Variants in EPGN observed in about 807,000 individuals in gnomAD.
EPGN encodes the protein epithelial mitogen.
A neutral mutation model predicts 20.7 loss-of-function variants in EPGN; 21 were observed. The ratio of observed to expected loss-of-function variants is 1.01; its 90% confidence interval spans 0.72 to 1.46. EPGN has a LOEUF of 1.46. Among genes scored for constraint, EPGN ranks in the 40% most tolerant of loss-of-function variants. The probability of loss-of-function intolerance (pLI) is 0.00; values close to 1 mark genes in which losing one functional copy is unlikely to be tolerated. For missense variants in EPGN, 199 were observed against 180.7 expected (o/e 1.10, Z -0.58); for synonymous variants, 69 against 63.8 (o/e 1.08, Z -0.39).
At chr4:74,308,972 T>G in intron 1 of EPGN, 121 bp from the exon 2 acceptor site, 1 of 746,946 alleles carries the variant, frequency 1.3e-6, no homozygotes, top group Non-Finnish European at 2.2e-6. Flanking sequence ...CGTTATGGAT[T>G]TCAACTGTAA....
In EPGN at chr4:74,314,732, C is replaced by A; in HGVS notation, c.*95C>A. On this transcript the variant is annotated 3_prime_UTR_variant, in exon 5 of 5. Transcript: ENST00000413830. ...GAAACAACAAAACTTGTCAAGCTGA[C>A]TAGACTCGAAAATAATGAAAGTTGG... 2 of 1,094,566 alleles carry A rather than the reference C, an allele frequency of 1.8e-6. No individual in the cohort carries two copies. The highest frequency in any genetic ancestry group is 2.6e-6 in the Non-Finnish European group (2 of 762,448). The allele number at this position is 1,094,566 out of a possible 1,614,324, so 67.8% of individuals were successfully genotyped here.
rs773647342 is a variant in EPGN, at chr4:74,308,554, A to G, written c.21A>G (p.Ile7Met). Reference sequence around the variant, plus strand: ...AGGAAATGGCTTTGGGAGTTCCAATATCAGTCTATCTTTTATTCAACGGTA... The same window carrying G: ...AGGAAATGGCTTTGGGAGTTCCAATGTCAGTCTATCTTTTATTCAACGGTA... MALGVP[I>M]SVYLLFNAMT... Residue 7 changes from isoleucine (I) to methionine (M), a missense_variant, in exon 1 of 5, where the codon ATA becomes ATG. Physicochemically the swap from Ile to Met is conservative, Grantham distance 10. Coordinates refer to ENST00000413830, the MANE Select transcript of EPGN (RefSeq NM_001270989.2). 16 of 1,611,218 alleles carry G rather than the reference A, an allele frequency of 9.9e-6. No homozygotes were observed. The highest frequency in any genetic ancestry group is 1.3e-5 in the Non-Finnish European group (15 of 1,178,114).
At chr4:74,310,079 T>A (rs1750802628) in intron 2 of EPGN, among the ~76,000 whole-genome samples, 1 of 152,178 alleles carries the variant, frequency 6.6e-6, no homozygotes, top group Non-Finnish European at 1.5e-5. Flanking sequence ...GAAATCAATG[T>A]GGGTTATAGA....
rs537934705 is a variant in EPGN at position 74,314,974 on chromosome 4, TAATC to T, written c.*340_*343del. ...CAGATGTGAATTTTCATGGGAATAATAATCAACCTTGCAGCAAGCCAAAGCAATG... is the reference window on the plus strand; with the variant it reads ...CAGATGTGAATTTTCATGGGAATAATAACCTTGCAGCAAGCCAAAGCAATG... On this transcript the variant is annotated 3_prime_UTR_variant, in exon 5 of 5. Coordinates refer to ENST00000413830, the MANE Select transcript of EPGN (RefSeq NM_001270989.2). The T allele has an allele frequency of 2.1e-5, 6 of 284,694 alleles. No homozygotes were observed. The highest frequency in any genetic ancestry group is 5.0e-5 in the Admixed American group (1 of 19,922). The allele number at this position is 284,694 out of a possible 1,614,324, so 17.6% of individuals were successfully genotyped here.
chr4:74,315,039 G>A lies in EPGN; in HGVS notation c.*402G>A, dbSNP rs929302845. 3.9e-5 allele frequency: 7 copies of A among 180,798 alleles called. No homozygotes were observed. The highest frequency in any genetic ancestry group is 1.3e-4 in the South Asian group (1 of 7,860). 11.2% of individuals were successfully genotyped at this position (180,798 alleles called of 1,614,324 possible). On this transcript the variant is annotated 3_prime_UTR_variant, in exon 5 of 5. Coordinates refer to ENST00000413830, the MANE Select transcript of EPGN (RefSeq NM_001270989.2). ...GTTCTTCATGTTCTTACTACCCAGC[G>A]TTTTTTACCACCTAGATGGGCCTCT...
At chr4:74,313,757 T>G (rs752807358) in intron 4 of EPGN, among the ~76,000 whole-genome samples, 3 of 152,196 alleles carry the variant, frequency 2.0e-5, no homozygotes, top group Non-Finnish European at 1.5e-5. Flanking sequence ...TAATTTTTCC[T>G]TAAATCCATG....
chr4:74,314,046 G>A (rs1391834684), intron 4 of EPGN: 5 of 453,692 alleles, frequency 1.1e-5, no homozygotes, highest in Non-Finnish European at 2.2e-5. Flanking sequence ...GCTCTCTGAG[G>A]TCAGATTTCC....
intron 2 of EPGN, among the ~76,000 whole-genome samples, chr4:74,309,945 G>A (rs1020676479): frequency 6.6e-6 from 1 of 152,028 alleles, no homozygotes; most frequent in African/African-American, 2.4e-5. Context: ...CTCAGAGTCA[G>A]GCAAATAAAG....
At chr4:74,312,363 G>T in intron 3 of EPGN, 58 bp downstream of exon 3, 1 of 1,551,874 alleles carries the variant, frequency 6.4e-7, no homozygotes, top group East Asian at 2.3e-5. Context: ...TGTCTCTGTT[G>T]TTTCATATAG....
Position 74,312,238 on chromosome 4 carries a change from G to A in EPGN, c.187G>A (p.Asp63Asn). Residue 63 changes from aspartate to asparagine, a missense_variant, in exon 3 of 5, where the codon GAT (aspartate) becomes AAT (asparagine). Physicochemically the swap from Asp to Asn is conservative, Grantham distance 23. Coordinates refer to ENST00000413830, the MANE Select transcript of EPGN (RefSeq NM_001270989.2). The stretch of plus-strand genomic sequence containing the variant: ...GAAGTTCTCACACCTTTGCCTGGAA[G>A]ATCATAACAGTTACTGCATCAACGG... ...ALKFSHLCLE[D>N]HNSYCINGAC... 1 of 1,613,496 alleles carries A rather than the reference G, an allele frequency of 6.2e-7. No individual in the cohort carries two copies. Among genetic ancestry groups the A allele is most frequent in the Non-Finnish European group, 8.5e-7 (1 of 1,179,660 alleles).
chr4:74,309,042 G>A, intron 1 of EPGN, 51 bp from the exon 2 acceptor site: 2 of 1,308,416 alleles, frequency 1.5e-6, no homozygotes, highest in Non-Finnish European at 2.2e-6. Context: ...TCTGTTGCTT[G>A]TACATAGAAG....
At chr4:74,310,566 AT>A (rs575639603) in intron 2 of EPGN, among the ~76,000 whole-genome samples, 176 of 151,556 alleles carry the variant, frequency 1.2e-3, no homozygotes, top group Non-Finnish European at 1.9e-3. Flanking sequence ...TCAGTACTAA[AT>A]TTTTTTTTCT....
rs1206274885 is a variant in EPGN, at chr4:74,308,578, T to C, written c.43+2T>C. The C allele has an allele frequency of 6.2e-7, 1 of 1,608,986 alleles. No individual in the cohort carries two copies. The highest frequency in any genetic ancestry group is 2.2e-5 in the East Asian group (1 of 44,822). On this transcript the variant is annotated splice_donor_variant, in intron 1 of 4. Transcript: ENST00000413830. LOFTEE classifies it high-confidence loss of function. ...TATCAGTCTATCTTTTATTCAACGGTAGGTAATTTCCTTTTGTTTTGTTAA... is the reference window on the plus strand; with the variant it reads ...TATCAGTCTATCTTTTATTCAACGGCAGGTAATTTCCTTTTGTTTTGTTAA...
chr4:74,310,274 C>A (rs1750832253), intron 2 of EPGN, among the ~76,000 whole-genome samples: 2 of 151,726 alleles, frequency 1.3e-5, no homozygotes, highest in South Asian at 4.2e-4. Flanking sequence ...CCAGCCTGGG[C>A]AACATGGTGA....
At chr4:74,312,446 T>G in intron 3 of EPGN, 141 bp downstream of exon 3, 1 of 858,760 alleles carries the variant, frequency 1.2e-6, no homozygotes, top group Non-Finnish European at 1.7e-6. Context: ...GGCCTCTACA[T>G]ATTTGAATAT....
chr4:74,309,415 G>C (rs1464803072), intron 2 of EPGN, among the ~76,000 whole-genome samples: 1 of 152,184 alleles, frequency 6.6e-6, no homozygotes. Flanking sequence ...TTCAGTTACT[G>C]TCTTGAATGT....
In EPGN at chr4:74,315,952, CAA is replaced by C. The variant is rs200784402; in HGVS notation, c.*1331_*1332del. Among the ~76,000 whole-genome samples, 59 of 111,374 alleles carry C rather than the reference CAA, an allele frequency of 5.3e-4. No homozygotes were observed. Among genetic ancestry groups the C allele is most frequent in the African/African-American group, 1.4e-3 (47 of 33,262 alleles). The allele number at this position is 111,374 out of a possible 152,430, so 73.1% of individuals were successfully genotyped here. On this transcript the variant is annotated 3_prime_UTR_variant, in exon 5 of 5. Coordinates refer to ENST00000413830, the MANE Select transcript of EPGN (RefSeq NM_001270989.2). ...GGGTGACAAGAGCGAAACTCCATCT[CAA>C]AAAAAAAAAAAAAAATCAGTATCCT...
At chr4:74,314,188 T>A in intron 4 of EPGN, 1 of 466,606 alleles carries the variant, frequency 2.1e-6, no homozygotes, top group Admixed American at 2.3e-5. Flanking sequence ...TAAGCAAAGA[T>A]GTGGCTTTAA....
At chr4:74,313,563 ATAAAATC>A in intron 4 of EPGN, 1 of 1,049,368 alleles carries the variant, frequency 9.5e-7, no homozygotes, top group African/African-American at 1.7e-5. Flanking sequence ...GTTGAGTGAA[ATAAAATC>A]AAGAAACAAG....
Sources: allele counts gnomAD v4.1 joint callset (sites outside exome capture counted in the v4.1 genomes callset), GRCh38; gene constraint gnomAD v4.1.1; transcripts MANE v1.5; gene names NCBI Gene and HGNC (gene_info 2026-07-23, HGNC 2026-07-21).